NOVA1: variants seen among roughly 807,000 people sequenced by gnomAD.
NOVA1 encodes NOVA alternative splicing regulator 1.
In NOVA1, 7 loss-of-function variants were observed where a neutral mutation model predicts 38.0. The ratio of observed to expected loss-of-function variants is 0.18; its 90% CI spans 0.10 to 0.35. NOVA1 has a LOEUF of 0.35. Among genes scored for constraint, NOVA1 ranks in the 10% least tolerant of loss-of-function variants. The pLI, the probability that NOVA1 is intolerant of heterozygous loss-of-function variation, is 1.00. For synonymous variants in NOVA1, 270 were observed against 232.5 expected, an observed-to-expected ratio of 1.16 and a Z score of -1.47; for missense variants, 460 against 616.0, an observed-to-expected ratio of 0.75 and a Z score of 2.68.
At chr14:26,593,966 T>C (rs575563513) in intron 2 of NOVA1, 1 of 152,070 alleles carries the variant, frequency 6.6e-6, no homozygotes, top group South Asian at 2.1e-4. Context: ...ACTATCACGT[T>C]ATTAATTCTG....
intron 4 of NOVA1, among the ~76,000 whole-genome samples, chr14:26,463,156 G>A (rs1883830279): frequency 6.6e-6 from 1 of 152,126 alleles, no homozygotes; most frequent in Non-Finnish European, 1.5e-5. Flanking sequence ...ACTCTCCTGT[G>A]ATTAAGGGTG....
At chr14:26,500,151 T>C (rs551181271) in intron 2 of NOVA1, among the ~76,000 whole-genome samples, 1 of 152,198 alleles carries the variant, frequency 6.6e-6, no homozygotes, top group Non-Finnish European at 1.5e-5. Context: ...GTACCCACTA[T>C]GCTATACTGT....
At chr14:26,575,517 T>C (rs1336169344) in intron 2 of NOVA1, among the ~76,000 whole-genome samples, 1 of 152,124 alleles carries the variant, frequency 6.6e-6, no homozygotes, top group Non-Finnish European at 1.5e-5. Flanking sequence ...GCCATATACT[T>C]AAATTTTAAT....
At chr14:26,551,786 G>A (rs959946557) in intron 2 of NOVA1, among the ~76,000 whole-genome samples, 1 of 151,816 alleles carries the variant, frequency 6.6e-6, no homozygotes, top group Non-Finnish European at 1.5e-5. Flanking sequence ...ACTTTTATTT[G>A]TATGTATCAT....
chr14:26,472,213 T>C lies in NOVA1; in HGVS notation c.519+107A>G, dbSNP rs781288768. ...TTATTTGGAATCTGACTATGGTGCATATATGTGAATGAACGAATAAATCCT... is the reference window on the plus strand; with the variant it reads ...TTATTTGGAATCTGACTATGGTGCACATATGTGAATGAACGAATAAATCCT... On this transcript the variant is annotated intron_variant, in intron 4 of 4. Transcript: ENST00000539517. The C allele has an allele frequency of 3.6e-5, 26 of 719,692 alleles. No homozygotes were observed. In the Admixed American group the frequency reaches 5.3e-4, roughly 15 times the overall value. 44.6% of individuals were successfully genotyped at this position (719,692 alleles called of 1,614,324 possible).
chr14:26,533,644 G>A (rs944175393), intron 2 of NOVA1, among the ~76,000 whole-genome samples: 51 of 152,048 alleles, frequency 3.4e-4, no homozygotes, highest in African/African-American at 1.1e-3. Context: ...TGAGGAAATC[G>A]TTATCAGAAG....
intron 4 of NOVA1, among the ~76,000 whole-genome samples, chr14:26,449,181 T>G (rs1484404264): frequency 6.6e-6 from 1 of 152,128 alleles, no homozygotes; most frequent in Non-Finnish European, 1.5e-5. Context: ...CAGGTCAAAA[T>G]TATTAAATAA....
At chr14:26,591,075 G>A (rs1486429439) in intron 2 of NOVA1, among the ~76,000 whole-genome samples, 2 of 151,672 alleles carry the variant, frequency 1.3e-5, no homozygotes, top group African/African-American at 2.4e-5. Context: ...AAACTGTAAT[G>A]TTAATACAGA....
intron 2 of NOVA1, among the ~76,000 whole-genome samples, chr14:26,498,540 A>G (rs1384552238): frequency 6.6e-6 from 1 of 152,122 alleles, no homozygotes; most frequent in Non-Finnish European, 1.5e-5. Flanking sequence ...ATATTAAAAT[A>G]ATTATATTTA....
At chr14:26,512,769 T>C (rs887190678) in intron 2 of NOVA1, among the ~76,000 whole-genome samples, 1 of 151,962 alleles carries the variant, frequency 6.6e-6, no homozygotes, top group African/African-American at 2.4e-5. Flanking sequence ...AGTAGAAAAA[T>C]ATATGCAAAT....
chr14:26,491,181 AT>A (rs1357445939), intron 2 of NOVA1, among the ~76,000 whole-genome samples: 1 of 150,372 alleles, frequency 6.7e-6, no homozygotes. Context: ...AATTAAAAAA[AT>A]TTTTTTTGAG....
intron 2 of NOVA1, among the ~76,000 whole-genome samples, chr14:26,520,729 C>A (rs1008240390): frequency 2.0e-5 from 3 of 151,884 alleles, no homozygotes; most frequent in Non-Finnish European, 2.9e-5. Flanking sequence ...GACAAATTTG[C>A]AATTATGGAA....
chr14:26,595,381 TCAAA>T lies in NOVA1; in HGVS notation c.280+25_280+28del, dbSNP rs750261388. On this transcript the variant is annotated intron_variant, in intron 2 of 4. Coordinates refer to ENST00000539517, the MANE Select transcript of NOVA1 (RefSeq NM_002515.3). ...ATCTTTCTTTCCTGTGGGGAGCTCA[TCAAA>T]CAATCTCTTCACCATTGCACCTACC... 9 of 1,602,728 alleles carry T rather than the reference TCAAA, an allele frequency of 5.6e-6. No homozygotes were observed. The South Asian group carries it at 9.0e-5, about 16-fold the overall frequency.
In NOVA1 at chr14:26,469,540, G is replaced by A. The variant is rs76431005; in HGVS notation, c.519+2780C>T. On this transcript the variant is annotated intron_variant, in intron 4 of 4. Transcript: ENST00000539517. Reference sequence around the variant, plus strand: ...TACATTCAAGACACTGTTCTAGGAAGAGGTAACTGTTCTTCATTTCTTATG... The same window carrying A: ...TACATTCAAGACACTGTTCTAGGAAAAGGTAACTGTTCTTCATTTCTTATG... 3.7e-3 allele frequency among the ~76,000 whole-genome samples: 568 copies of A among 152,274 alleles called. 3 individuals carry two copies. Among genetic ancestry groups the A allele is most frequent in the African/African-American group, 0.013 (544 of 41,544 alleles).
At position 26,447,887 on chromosome 14, in the gene NOVA1, A is replaced by G; in HGVS notation, c.*72T>C. On this transcript the variant is annotated 3_prime_UTR_variant, in exon 5 of 5. Transcript: ENST00000539517. ...AATAACAGAAAAACTTCACTTCTGCAAAGTACAGTACATCCTTCTTGAAAA... is the reference window on the plus strand; with the variant it reads ...AATAACAGAAAAACTTCACTTCTGCGAAGTACAGTACATCCTTCTTGAAAA... The G allele has an allele frequency of 1.6e-6, 2 of 1,236,852 alleles. No individual in the cohort carries two copies. Among genetic ancestry groups the G allele is most frequent in the Non-Finnish European group, 2.3e-6 (2 of 862,730 alleles). 76.6% of individuals were successfully genotyped at this position (1,236,852 alleles called of 1,614,324 possible).
At position 26,458,279 on chromosome 14, in the gene NOVA1, A is replaced by T. The variant is rs532951688; in HGVS notation, c.520-9316T>A. On this transcript the variant is annotated intron_variant, in intron 4 of 4. Coordinates refer to ENST00000539517, the MANE Select transcript of NOVA1 (RefSeq NM_002515.3). ...GGAAAGCAGTGTGGAGATTTCTCAA[A>T]GAACTTAAAACAGAGCTACTATTTG... 2.2e-4 allele frequency among the ~76,000 whole-genome samples: 33 copies of T among 152,268 alleles called. No individual in the cohort carries two copies. The South Asian group carries it at 6.2e-3, about 29-fold the overall frequency.
intron 2 of NOVA1, among the ~76,000 whole-genome samples, chr14:26,505,898 G>A (rs999807043): frequency 3.9e-5 from 6 of 151,910 alleles, no homozygotes; most frequent in Non-Finnish European, 8.8e-5. Context: ...AGAAAAACAG[G>A]ATTGAAATTT....
chr14:26,591,401 C>G (rs1893834276), intron 2 of NOVA1, among the ~76,000 whole-genome samples: 1 of 151,596 alleles, frequency 6.6e-6, no homozygotes, highest in Non-Finnish European at 1.5e-5. Flanking sequence ...ATTAAACCCA[C>G]CCAACAATGT....
At chr14:26,462,205 C>G (rs1010840496) in intron 4 of NOVA1, among the ~76,000 whole-genome samples, 2 of 152,020 alleles carry the variant, frequency 1.3e-5, no homozygotes, top group Non-Finnish European at 2.9e-5. Context: ...TATAATAACC[C>G]TTCATAGATT....
Sources: gnomAD v4.1 joint callset for allele counts (sites outside exome capture counted in the v4.1 genomes callset) on GRCh38, gnomAD v4.1.1 for gene constraint, MANE v1.5 for transcripts, NCBI Gene and HGNC (gene_info 2026-07-23, HGNC 2026-07-21) for gene names.